ADAD1: variants seen among roughly 807,000 people sequenced by gnomAD.
ADAD1 encodes the protein adenosine deaminase domain-containing protein 1.
ADAD1 carries 46 observed loss-of-function variants against 66.8 expected under a neutral mutation model. That is an observed-to-expected ratio of 0.69 (90% CI 0.54 to 0.88). The LOEUF is 0.88. Among genes scored for constraint, ADAD1 ranks in the 40% least tolerant of loss-of-function variants. The pLI is 0.00. For missense variants in ADAD1, 617 were observed against 681.8 expected (o/e 0.91, Z 1.06); for synonymous variants, 248 against 229.4 (o/e 1.08, Z -0.73).
At chr4:122,409,785 C>T (rs1489812019) in intron 8 of ADAD1, among the ~76,000 whole-genome samples, 2 of 152,148 alleles carry the variant, frequency 1.3e-5, no homozygotes, top group Admixed American at 6.5e-5. Context: ...CTGCAACCTC[C>T]GCCTCCCAGG....
rs377322878 is a variant in ADAD1 at position 122,413,851 on chromosome 4, C to CATATATATATATATATATATATATATAT, written c.1249+1068_1249+1069insATATATATATATATATATATATATATAT. 3.4e-4 allele frequency among the ~76,000 whole-genome samples: 43 copies of CATATATATATATATATATATATATATAT among 126,588 alleles called. 1 individual carries two copies. Among genetic ancestry groups the CATATATATATATATATATATATATATAT allele is most frequent in the African/African-American group, 4.6e-4 (16 of 34,532 alleles). 83.0% of individuals were successfully genotyped at this position (126,588 alleles called of 152,430 possible). ...TTTCACGCTGCTGCTTATGATAGATCATATATATATATATATATATATATA... is the reference window on the plus strand; with the variant it reads ...TTTCACGCTGCTGCTTATGATAGATCATATATATATATATATATATATATATATATATATATATATATATATATATATA... On this transcript the variant is annotated intron_variant, in intron 10 of 12. Coordinates refer to ENST00000296513, the MANE Select transcript of ADAD1 (RefSeq NM_139243.4).
chr4:122,396,880 T>A (rs1435151729), intron 7 of ADAD1, among the ~76,000 whole-genome samples: 1 of 152,172 alleles, frequency 6.6e-6, no homozygotes, highest in Admixed American at 6.6e-5. Context: ...TCTTAAGGAG[T>A]TGTTATGATC....
At chr4:122,415,989 C>CT (rs1437210139) in intron 11 of ADAD1, among the ~76,000 whole-genome samples, 12 of 152,116 alleles carry the variant, frequency 7.9e-5, no homozygotes, top group African/African-American at 2.7e-4. Context: ...TCTACTGAAT[C>CT]TGACTTTGGA....
Position 122,415,416 on chromosome 4 carries a change from C to T in ADAD1, c.1287C>T (p.Ile429=), listed in dbSNP as rs113747548. The part of the protein sequence containing the change: ...GNCSDTRGLE[I]AIKQRVDDAL... ...GCAGTGATACCAGAGGCTTAGAAAT[C>T]GCTATAAAGCAACGTGTTGATGATG... Residue 429 remains isoleucine, a synonymous_variant, in exon 11 of 13, where the codon ATC becomes ATT. Transcript: ENST00000296513. 7.9e-4 allele frequency: 1,279 copies of T among 1,613,630 alleles called. 11 individuals are homozygous for T. The African/African-American group carries it at 0.015, about 19-fold the overall frequency.
At chr4:122,410,372 A>G (rs1407503938) in intron 8 of ADAD1, among the ~76,000 whole-genome samples, 1 of 152,100 alleles carries the variant, frequency 6.6e-6, no homozygotes, top group African/African-American at 2.4e-5. Flanking sequence ...TGATGATGGG[A>G]TTCAAGGGAG....
intron 11 of ADAD1, among the ~76,000 whole-genome samples, chr4:122,417,489 A>T (rs1305023880): frequency 6.6e-6 from 1 of 152,218 alleles, no homozygotes; most frequent in Non-Finnish European, 1.5e-5. Flanking sequence ...ATGTTTATGC[A>T]GAACGTGACA....
chr4:122,385,322 G>A (rs1022195474), intron 5 of ADAD1, among the ~76,000 whole-genome samples: 1 of 151,996 alleles, frequency 6.6e-6, no homozygotes, highest in Admixed American at 6.6e-5. Flanking sequence ...ACCCAGGCTG[G>A]AGTGCAGTGG....
At chr4:122,384,974 G>A (rs923305524) in intron 5 of ADAD1, among the ~76,000 whole-genome samples, 1 of 152,084 alleles carries the variant, frequency 6.6e-6, no homozygotes, top group African/African-American at 2.4e-5. Flanking sequence ...TCTGTCTTGG[G>A]CTAGAGCCTG....
chr4:122,394,257 T>A, intron 6 of ADAD1, among the ~76,000 whole-genome samples: 1 of 152,328 alleles, frequency 6.6e-6, no homozygotes, highest in South Asian at 2.1e-4. Flanking sequence ...ACTAATATTA[T>A]TTTATTATAA....
At chr4:122,381,891 G>GT (rs1168973361) in intron 4 of ADAD1, among the ~76,000 whole-genome samples, 1 of 152,158 alleles carries the variant, frequency 6.6e-6, no homozygotes, top group Non-Finnish European at 1.5e-5. Flanking sequence ...TAGTTAGGTT[G>GT]TTTCTTTAAT....
chr4:122,409,381 A>G (rs182069788), intron 8 of ADAD1, among the ~76,000 whole-genome samples: 76 of 151,792 alleles, frequency 5.0e-4, no homozygotes, highest in African/African-American at 1.7e-3. Flanking sequence ...TTTAAATTTT[A>G]TAATTTCTTA....
intron 9 of ADAD1, among the ~76,000 whole-genome samples, chr4:122,411,946 G>A (rs553260698): frequency 3.9e-5 from 6 of 152,160 alleles, no homozygotes; most frequent in Admixed American, 3.9e-4. Flanking sequence ...ATACAAATAC[G>A]AGAGTTAAGA....
At chr4:122,406,321 A>T (rs1280005521) in intron 7 of ADAD1, among the ~76,000 whole-genome samples, 1 of 152,138 alleles carries the variant, frequency 6.6e-6, no homozygotes, top group Non-Finnish European at 1.5e-5. Flanking sequence ...GTGATTAGTG[A>T]TGTTGAGCAC....
chr4:122,411,368 G>T lies in ADAD1; in HGVS notation c.995G>T (p.Gly332Val). 1 of 1,612,216 alleles carries T rather than the reference G, an allele frequency of 6.2e-7. No individual in the cohort carries two copies. Among genetic ancestry groups the T allele is most frequent in the East Asian group, 2.2e-5 (1 of 44,792 alleles). Residue 332 changes from glycine (G) to valine (V), a missense_variant, in exon 9 of 13, where the codon GGA becomes GTA. Transcript: ENST00000296513. ...CTTTACATGAACCAGTTGCCTAAAG[G>T]ATCAGCCCAGATTAAGTCACAGTTG... ...ICLYMNQLPK[G>V]SAQIKSQLRL...
chr4:122,395,203 A>G (rs1795641344), intron 6 of ADAD1, among the ~76,000 whole-genome samples: 2 of 151,926 alleles, frequency 1.3e-5, no homozygotes, highest in African/African-American at 4.8e-5. Context: ...GGCACCCACC[A>G]CCATGCCTGG....
At chr4:122,406,541 T>G (rs189745310) in intron 7 of ADAD1, among the ~76,000 whole-genome samples, 1 of 152,218 alleles carries the variant, frequency 6.6e-6, no homozygotes, top group Non-Finnish European at 1.5e-5. Context: ...TTATTTTGTT[T>G]GCTTTGTAGG....
Position 122,421,290 on chromosome 4 carries a change from C to T in ADAD1, c.1517C>T (p.Ala506Val), listed in dbSNP as rs1796990945. Residue 506 changes from alanine to valine, a missense_variant, in exon 12 of 13, where the codon GCA (alanine) becomes GTA (valine). Physicochemically the swap from Ala to Val is moderately conservative, Grantham distance 64. Coordinates refer to ENST00000296513, the MANE Select transcript of ADAD1 (RefSeq NM_139243.4). ...CCATTTAAAAGTGGTATGTCAATGG[C>T]AAGTCGGCTTTGTAAGGCTGCAATG... ...SSPFKSGMSM[A>V]SRLCKAAMLS... The T allele has an allele frequency of 3.1e-6, 5 of 1,603,276 alleles. No homozygotes were observed. The highest frequency in any genetic ancestry group is 4.3e-6 in the Non-Finnish European group (5 of 1,172,858).
At chr4:122,413,209 A>G (rs1238632577) in intron 10 of ADAD1, among the ~76,000 whole-genome samples, 3 of 152,134 alleles carry the variant, frequency 2.0e-5, no homozygotes, top group Non-Finnish European at 4.4e-5. Context: ...CTGAAGTTTC[A>G]TATTTTGAGG....
At chr4:122,413,768 T>TA (rs1395992645) in intron 10 of ADAD1, among the ~76,000 whole-genome samples, 2 of 150,792 alleles carry the variant, frequency 1.3e-5, no homozygotes, top group African/African-American at 4.9e-5. Flanking sequence ...AATGCTTGCC[T>TA]AAAGTCAGTC....
Sources: gnomAD v4.1 joint callset for allele counts (sites outside exome capture counted in the v4.1 genomes callset) on GRCh38, gnomAD v4.1.1 for gene constraint, MANE v1.5 for transcripts, NCBI Gene and HGNC (gene_info 2026-07-23, HGNC 2026-07-21) for gene names.